Variants in WWOX observed in about 807,000 individuals in gnomAD.
WWOX encodes WW domain containing oxidoreductase, also known as WW domain-containing oxidoreductase.
WWOX carries 69 observed loss-of-function variants against 46.2 expected under a neutral mutation model. The observed-to-expected ratio is 1.49, with a 90% CI of 1.23 to 1.82. The LOEUF is 1.82. Ranked by LOEUF, WWOX falls within the 40% of genes most tolerant of loss-of-function variation. The pLI, the probability that WWOX is intolerant of heterozygous loss-of-function variation, is 0.00. For missense variants in WWOX, 919 were observed against 542.6 expected (o/e 1.69, Z -6.89); for synonymous variants, 359 against 202.6 (o/e 1.77, Z -6.56).
chr16:78,325,394 G>A (rs946731376), intron 5 of WWOX, among the ~76,000 whole-genome samples: 1 of 152,066 alleles, frequency 6.6e-6, no homozygotes, highest in East Asian at 1.9e-4. Flanking sequence ...TTCTATTGCA[G>A]TATTTAATGA....
intron 8 of WWOX, among the ~76,000 whole-genome samples, chr16:78,791,237 G>A (rs1334736390): frequency 1.5e-4 from 23 of 152,056 alleles, no homozygotes; most frequent in Non-Finnish European, 1.2e-4. Flanking sequence ...GAACTCATGG[G>A]AAGCAAACAC....
At chr16:79,116,770 C>A (rs887072955) in intron 8 of WWOX, among the ~76,000 whole-genome samples, 6 of 151,852 alleles carry the variant, frequency 4.0e-5, no homozygotes, top group Admixed American at 1.3e-4. Context: ...TGCCATGAAT[C>A]ACGAATGTTC....
intron 8 of WWOX, among the ~76,000 whole-genome samples, chr16:78,557,587 A>G (rs1315345052): frequency 2.0e-5 from 3 of 151,970 alleles, no homozygotes; most frequent in African/African-American, 4.8e-5. Context: ...ATAGCTGAAG[A>G]GGATGACCCT....
intron 8 of WWOX, among the ~76,000 whole-genome samples, chr16:79,020,942 C>CT (rs968321287): frequency 8.5e-5 from 13 of 152,084 alleles, no homozygotes; most frequent in Admixed American, 2.0e-4. Flanking sequence ...TGTCAGGGAG[C>CT]TAAGGGGATT....
intron 8 of WWOX, among the ~76,000 whole-genome samples, chr16:78,767,932 C>G (rs1394462911): frequency 1.3e-5 from 2 of 152,060 alleles, no homozygotes; most frequent in Admixed American, 6.6e-5. Flanking sequence ...TAATGATAAC[C>G]TTCCAGCACC....
rs1014416871 is a variant in WWOX at position 78,627,221 on chromosome 16, C to G, written c.1056+194469C>G. On this transcript the variant is annotated intron_variant, in intron 8 of 8. Transcript: ENST00000566780. ...GGCCCCTTTCAGGCCACTCTTCCCC[C>G]TGTGCCCCAGGTGTGTTTGCTACCA... is the stretch of plus-strand genomic sequence containing the variant. Among the ~76,000 whole-genome samples, 3 of 152,158 alleles carry G rather than the reference C, an allele frequency of 2.0e-5. No individual in the cohort carries two copies. The East Asian group carries it at 5.8e-4, about 29-fold the overall frequency.
intron 8 of WWOX, among the ~76,000 whole-genome samples, chr16:78,999,622 AT>A (rs1049002090): frequency 2.0e-5 from 3 of 152,076 alleles, no homozygotes; most frequent in African/African-American, 7.2e-5. Flanking sequence ...TACTTTAATT[AT>A]TTTTTCACTT....
At chr16:78,122,847 C>T (rs1376818517) in intron 4 of WWOX, among the ~76,000 whole-genome samples, 7 of 152,246 alleles carry the variant, frequency 4.6e-5, no homozygotes, top group East Asian at 1.9e-4. Context: ...TCAAGTGATC[C>T]GCCCACCTTG....
rs1459681244 is a variant in WWOX, at chr16:78,450,632, T to C, written c.1056+17880T>C. ...TTGGGAACTTAAACTTTTTTTGATA[T>C]TTTAATATTTCTAGGCAGGTGAGTG... is the stretch of plus-strand genomic sequence containing the variant. On this transcript the variant is annotated intron_variant, in intron 8 of 8. Transcript: ENST00000566780. Among the ~76,000 whole-genome samples, 7 of 152,234 alleles carry C rather than the reference T, an allele frequency of 4.6e-5. No homozygotes were observed. In the South Asian group the frequency reaches 1.4e-3, roughly 32 times the overall value.
intron 8 of WWOX, among the ~76,000 whole-genome samples, chr16:78,778,119 A>G (rs1460220653): frequency 6.6e-6 from 1 of 151,942 alleles, no homozygotes; most frequent in Non-Finnish European, 1.5e-5. Context: ...AAGGATGGGA[A>G]GTCTGAAGTT....
intron 5 of WWOX, among the ~76,000 whole-genome samples, chr16:78,285,799 G>C (rs773878208): frequency 6.6e-6 from 1 of 152,068 alleles, no homozygotes; most frequent in African/African-American, 2.4e-5. Context: ...TCTCTTCTTT[G>C]TCAGGCCTGT....
At chr16:79,164,136 C>G (rs1281048287) in intron 8 of WWOX, among the ~76,000 whole-genome samples, 4 of 152,230 alleles carry the variant, frequency 2.6e-5, no homozygotes, top group African/African-American at 7.2e-5. Context: ...GCTACAAAAA[C>G]TTTAATACTG....
chr16:78,934,031 A>G (rs1402288533), intron 8 of WWOX, among the ~76,000 whole-genome samples: 1 of 152,058 alleles, frequency 6.6e-6, no homozygotes, highest in Non-Finnish European at 1.5e-5. Context: ...GTCTCTCAAA[A>G]AAATTTAAAG....
intron 8 of WWOX, among the ~76,000 whole-genome samples, chr16:79,128,283 G>C (rs142292427): frequency 6.6e-6 from 1 of 151,518 alleles, no homozygotes; most frequent in African/African-American, 2.4e-5. Flanking sequence ...TCCAATCCAC[G>C]TGTGTTCAGA....
At chr16:78,791,271 G>T (rs779005220) in intron 8 of WWOX, among the ~76,000 whole-genome samples, 5 of 152,082 alleles carry the variant, frequency 3.3e-5, no homozygotes, top group Non-Finnish European at 4.4e-5. Context: ...GATCCACCAG[G>T]CACTCGGGTT....
At chr16:78,374,527 A>ATTTTTTTTTTTT (rs541225697) in intron 5 of WWOX, among the ~76,000 whole-genome samples, 9 of 70,898 alleles carry the variant, frequency 1.3e-4, no homozygotes, top group Non-Finnish European at 1.5e-4. Context: ...TCTGTCTTGA[A>ATTTTTTTTTTTT]TTTTTTTTTT....
intron 8 of WWOX, among the ~76,000 whole-genome samples, chr16:78,568,079 G>A (rs905784532): frequency 1.3e-5 from 2 of 152,180 alleles, no homozygotes; most frequent in Non-Finnish European, 2.9e-5. Flanking sequence ...GACTCTTAGG[G>A]CAGAAGAACG....
intron 8 of WWOX, among the ~76,000 whole-genome samples, chr16:79,181,517 G>A (rs981425728): frequency 6.6e-6 from 1 of 151,964 alleles, no homozygotes; most frequent in African/African-American, 2.4e-5. Flanking sequence ...TTAACACTAT[G>A]CAGAACGATT....
At chr16:78,328,431 A>G (rs1465279976) in intron 5 of WWOX, among the ~76,000 whole-genome samples, 1 of 152,180 alleles carries the variant, frequency 6.6e-6, no homozygotes, top group Non-Finnish European at 1.5e-5. Context: ...AGAATCATAG[A>G]TTTTTATTTC....
Sources: allele counts gnomAD v4.1 joint callset (sites outside exome capture counted in the v4.1 genomes callset), GRCh38; gene constraint gnomAD v4.1.1; transcripts MANE v1.5; gene names NCBI Gene and HGNC (gene_info 2026-07-23, HGNC 2026-07-21).